DMD: variants seen among roughly 807,000 people sequenced by gnomAD.
DMD encodes mutant dystrophin.
A neutral mutation model predicts 330.1 loss-of-function variants in DMD; 63 were observed. That is an observed-to-expected ratio of 0.19 (90% CI 0.16 to 0.24). DMD has a LOEUF of 0.24. Among genes scored for constraint, DMD ranks in the 10% least tolerant of loss-of-function variants. The probability of loss-of-function intolerance (pLI) is 1.00; values close to 1 mark genes in which losing one functional copy is unlikely to be tolerated. For synonymous variants in DMD, 1,223 were observed against 959.8 expected, an observed-to-expected ratio of 1.27 and a Z score of -5.07; for missense variants, 3,344 against 2,684.1, an observed-to-expected ratio of 1.25 and a Z score of -5.43.
At chrX:33,273,204 G>T (rs1000604615) in intron 1 of DMD, among the ~76,000 whole-genome samples, 1 of 111,942 alleles carries the variant, frequency 8.9e-6, no homozygotes, top group Admixed American at 9.5e-5. Context: ...ACATGTTCTG[G>T]ACTTGTCTAA....
intron 4 of DMD, among the ~76,000 whole-genome samples, chrX:32,836,271 A>G (rs779934517): frequency 1.3e-4 from 14 of 109,609 alleles, no homozygotes; most frequent in Non-Finnish European, 1.9e-5. Context: ...ACCTCAGGTG[A>G]TCTGCCCGCC....
At chrX:32,755,178 A>C (rs2071342674) in intron 7 of DMD, among the ~76,000 whole-genome samples, 1 of 110,696 alleles carries the variant, frequency 9.0e-6, no homozygotes, top group Non-Finnish European at 1.9e-5. Context: ...TTATAACATA[A>C]TGAGGAGAGC....
chrX:32,648,142 G>A (rs892782133), intron 9 of DMD, among the ~76,000 whole-genome samples: 1 of 111,719 alleles, frequency 9.0e-6, no homozygotes, highest in South Asian at 3.7e-4. Context: ...ATTAAAAGGT[G>A]TATACTTATA....
chrX:31,505,806 G>A (rs1417739179), intron 56 of DMD, among the ~76,000 whole-genome samples: 1 of 110,470 alleles, frequency 9.1e-6, no homozygotes, highest in Non-Finnish European at 1.9e-5. Context: ...GCTAATTTTT[G>A]TATTTTTGGT....
intron 1 of DMD, among the ~76,000 whole-genome samples, chrX:33,235,629 A>G (rs916129042): frequency 3.6e-5 from 4 of 110,944 alleles, no homozygotes; most frequent in Non-Finnish European, 7.5e-5. Context: ...TTTTATCAAC[A>G]TTTTATAGAT....
intron 54 of DMD, 53 bp downstream of exon 54, chrX:31,657,937 C>T: frequency 1.7e-6 from 2 of 1,154,949 alleles, no homozygotes; most frequent in Non-Finnish European, 2.4e-6. Flanking sequence ...CATCCAGTTT[C>T]ACCACCCCAT....
chrX:32,482,367 T>A (rs1267611317), intron 21 of DMD, among the ~76,000 whole-genome samples: 1 of 111,354 alleles, frequency 9.0e-6, no homozygotes, highest in Non-Finnish European at 1.9e-5. Flanking sequence ...CAGATTTGCC[T>A]ATTGTGGCCA....
chrX:32,597,956 C>T (rs1448294768), intron 12 of DMD, among the ~76,000 whole-genome samples: 2 of 112,098 alleles, frequency 1.8e-5, no homozygotes, highest in East Asian at 2.8e-4. Context: ...TTCTGGCAAA[C>T]GTGCTGTCCC....
intron 1 of DMD, among the ~76,000 whole-genome samples, chrX:33,109,171 C>A (rs971420036): frequency 9.0e-6 from 1 of 110,616 alleles, no homozygotes; most frequent in Non-Finnish European, 1.9e-5. Context: ...TTAGAGATAA[C>A]TGTTTAGCTT....
intron 43 of DMD, among the ~76,000 whole-genome samples, chrX:32,243,806 A>G (rs1394504711): frequency 4.5e-5 from 5 of 111,544 alleles, no homozygotes; most frequent in Non-Finnish European, 9.4e-5. Context: ...ATCACAATGT[A>G]CACAAAAGAA....
At chrX:31,574,846 T>TAGAA (rs2076020639) in intron 55 of DMD, among the ~76,000 whole-genome samples, 1 of 112,060 alleles carries the variant, frequency 8.9e-6, no homozygotes, top group South Asian at 3.7e-4. Flanking sequence ...TACGATTTTC[T>TAGAA]AATCGTAGTT....
chrX:33,081,007 C>CAAAA (rs374907182), intron 1 of DMD, among the ~76,000 whole-genome samples: 4 of 98,057 alleles, frequency 4.1e-5, no homozygotes, highest in African/African-American at 1.2e-4. Flanking sequence ...CACACACACA[C>CAAAA]AAAAACACAT....
intron 4 of DMD, among the ~76,000 whole-genome samples, chrX:32,841,228 A>T (rs2080129322): frequency 9.0e-6 from 1 of 111,490 alleles, no homozygotes; most frequent in Non-Finnish European, 1.9e-5. Context: ...CATTCTAGAA[A>T]ACCTAAAATT....
intron 13 of DMD, among the ~76,000 whole-genome samples, chrX:32,592,461 G>A (rs1202064635): frequency 9.0e-6 from 1 of 110,824 alleles, no homozygotes; most frequent in Non-Finnish European, 1.9e-5. Flanking sequence ...CCCACCATGG[G>A]TCTCCTCTCT....
intron 67 of DMD, among the ~76,000 whole-genome samples, chrX:31,201,208 C>A (rs2043433104): frequency 9.1e-6 from 1 of 110,048 alleles, no homozygotes; most frequent in African/African-American, 3.3e-5. Flanking sequence ...CGCACACACA[C>A]ACACATACAC....
At chrX:33,215,141 G>A (rs956145853), upstream of DMD, among the ~76,000 whole-genome samples, 5 of 109,932 alleles carry the variant, frequency 4.5e-5, no homozygotes, top group Non-Finnish European at 9.5e-5. Context: ...TTCAAGACCA[G>A]CCAGGGCGAC....
chrX:33,194,535 A>G (rs1333392421), intron 1 of DMD, among the ~76,000 whole-genome samples: 4 of 111,814 alleles, frequency 3.6e-5, no homozygotes, highest in African/African-American at 9.7e-5. Context: ...CAAAGATACT[A>G]TATCGCATCT....
intron 7 of DMD, among the ~76,000 whole-genome samples, chrX:32,791,328 C>A (rs184935065): frequency 2.5e-4 from 28 of 111,782 alleles, no homozygotes; most frequent in African/African-American, 9.1e-4. Context: ...AGCAAGCCAC[C>A]TATAAGCCAA....
chrX:33,062,467 TTTTA>T (rs2094592901), intron 1 of DMD, among the ~76,000 whole-genome samples: 3 of 112,112 alleles, frequency 2.7e-5, no homozygotes, highest in Admixed American at 9.5e-5. Flanking sequence ...CAATTTTTGT[TTTTA>T]TTTATTTATC....
Sources: gnomAD v4.1 joint callset for allele counts (sites outside exome capture counted in the v4.1 genomes callset) on GRCh38, gnomAD v4.1.1 for gene constraint, MANE v1.5 for transcripts, NCBI Gene and HGNC (gene_info 2026-07-23, HGNC 2026-07-21) for gene names.